Variants in SRL observed in about 807,000 individuals in gnomAD.
SRL encodes sarcalumenin.
Under a neutral mutation model 39.5 loss-of-function variants are expected in SRL, and 23 were observed. That is an observed-to-expected ratio of 0.58 (90% CI 0.42 to 0.82). SRL has a LOEUF of 0.82. SRL is among the 40% of genes least tolerant of loss of function. SRL has a pLI of 0.00. For missense variants in SRL, 592 were observed against 607.8 expected (o/e 0.97, Z 0.27); for synonymous variants, 272 against 237.4 (o/e 1.15, Z -1.34).
chr16:4,215,029 A>G (rs2052440842), intron 1 of SRL, among the ~76,000 whole-genome samples: 1 of 152,004 alleles, frequency 6.6e-6, no homozygotes, highest in South Asian at 2.1e-4. Context: ...CAGCCTCCCA[A>G]AGTGCTGGGA....
chr16:4,223,142 G>T (rs2052548773), intron 1 of SRL, among the ~76,000 whole-genome samples: 1 of 149,628 alleles, frequency 6.7e-6, no homozygotes, highest in Non-Finnish European at 1.5e-5. Flanking sequence ...TGAGGCAGGA[G>T]AATGGCATGA....
intron 1 of SRL, among the ~76,000 whole-genome samples, chr16:4,240,108 A>G (rs968866900): frequency 6.6e-5 from 10 of 152,214 alleles, no homozygotes; most frequent in Non-Finnish European, 1.2e-4. Context: ...AAGCCGGAGG[A>G]GAAGCTCTGT....
Position 4,197,808 on chromosome 16 carries a change from G to T in SRL, c.367C>A (p.Leu123Ile). 6.3e-7 allele frequency: 1 copy of T among 1,597,814 alleles called. No individual in the cohort carries two copies. Among genetic ancestry groups the T allele is most frequent in the Non-Finnish European group, 8.6e-7 (1 of 1,165,194 alleles). Residue 123 changes from leucine to isoleucine, a missense_variant, in exon 4 of 6, where the codon CTC becomes ATC. By Grantham distance (5) the Leu-to-Ile change is conservative. Coordinates refer to ENST00000399609, the MANE Select transcript of SRL (RefSeq NM_001098814.2). Reference sequence around the variant, plus strand: ...CAAGAATATTGATTACCTGTATAGAGCTGATAGCGAGTATTTTCCAGCCCA... The same window carrying T: ...CAAGAATATTGATTACCTGTATAGATCTGATAGCGAGTATTTTCCAGCCCA... Reference protein sequence around the residue: ...LLGLENTRYQLYTGAEPTTSE... With the variant: ...LLGLENTRYQIYTGAEPTTSE...
Position 4,192,389 on chromosome 16 carries a change from G to A in SRL, c.1186C>T (p.Pro396Ser). The A allele has an allele frequency of 6.2e-7, 1 of 1,614,224 alleles. No homozygotes were observed. The highest frequency in any genetic ancestry group is 8.5e-7 in the Non-Finnish European group (1 of 1,180,042). Residue 396 changes from proline (P) to serine (S), a missense_variant, in exon 6 of 6, where the codon CCC becomes TCC. Pro to Ser is a moderately conservative substitution (Grantham distance 74). Coordinates refer to ENST00000399609, the MANE Select transcript of SRL (RefSeq NM_001098814.2). The surrounding 1 kb of genome is among the most constrained non-coding windows in gnomAD (Gnocchi z 4.0). ...AKTNVSKFDL[P>S]NREAYKDFFG... ...AAGTCCTTATAGGCCTCGCGGTTGG[G>A]AAGGTCAAATTTGCTGACATTGGTC...
At chr16:4,214,977 A>G (rs1372529372) in intron 1 of SRL, among the ~76,000 whole-genome samples, 1 of 152,146 alleles carries the variant, frequency 6.6e-6, no homozygotes, top group Non-Finnish European at 1.5e-5. Flanking sequence ...CATGTTGGCC[A>G]GGCTGGTCTC....
chr16:4,237,720 G>A (rs891527815), intron 1 of SRL, among the ~76,000 whole-genome samples: 4 of 152,222 alleles, frequency 2.6e-5, no homozygotes, highest in Middle Eastern at 3.4e-3. Flanking sequence ...CGTTGCTCTG[G>A]CACCGTGAGT....
intron 1 of SRL, among the ~76,000 whole-genome samples, chr16:4,226,572 C>A (rs918235446): frequency 1.5e-4 from 22 of 146,348 alleles, no homozygotes; most frequent in African/African-American, 5.1e-4. Flanking sequence ...GATGGATGGG[C>A]AGATGAATGG....
Position 4,196,522 on chromosome 16 carries a change from C to G in SRL, c.377-736G>C, listed in dbSNP as rs376141267. Among the ~76,000 whole-genome samples, 23 of 149,776 alleles carry G rather than the reference C, an allele frequency of 1.5e-4. No individual in the cohort carries two copies. The East Asian group carries it at 4.3e-3, about 28-fold the overall frequency. ...TTTGGAGCAGAGTCTCACTCTATCG[C>G]CCAGGCTGGAGTGCAGTGGCATGAT... is the stretch of plus-strand genomic sequence containing the variant. On this transcript the variant is annotated intron_variant, in intron 4 of 5. Coordinates refer to ENST00000399609, the MANE Select transcript of SRL (RefSeq NM_001098814.2).
chr16:4,207,636 G>A (rs565426174), intron 1 of SRL: 59 of 440,486 alleles, frequency 1.3e-4, no homozygotes, highest in Non-Finnish European at 2.4e-4. Context: ...ATGGCCCCCA[G>A]CCTGTCCTCC....
chr16:4,206,622 C>T, intron 1 of SRL: 3 of 449,876 alleles, frequency 6.7e-6, no homozygotes, highest in South Asian at 4.7e-5. Context: ...AAGGGCCTGC[C>T]ACCCTCTGCC....
intron 1 of SRL, among the ~76,000 whole-genome samples, chr16:4,223,109 G>A (rs1271689539): frequency 6.6e-6 from 1 of 151,692 alleles, no homozygotes; most frequent in East Asian, 2.0e-4. Context: ...ACGGGCGCCT[G>A]TAGTCCCAGC....
chr16:4,207,310 C>G (rs764665315), intron 1 of SRL: 14 of 456,742 alleles, frequency 3.1e-5, no homozygotes, highest in Non-Finnish European at 5.3e-5. Flanking sequence ...CCTGCCTTAA[C>G]GCTTTGGGCG....
At chr16:4,217,015 G>C (rs934140103) in intron 1 of SRL, among the ~76,000 whole-genome samples, 1 of 152,174 alleles carries the variant, frequency 6.6e-6, no homozygotes, top group African/African-American at 2.4e-5. Flanking sequence ...TCTCCAGCTT[G>C]GCAGGTGAAG....
intron 2 of SRL, among the ~76,000 whole-genome samples, chr16:4,204,178 A>C (rs1380370756): frequency 6.6e-6 from 1 of 152,258 alleles, no homozygotes; most frequent in Non-Finnish European, 1.5e-5. Context: ...ATGAAACAGC[A>C]CACATGAAAC....
intron 1 of SRL, among the ~76,000 whole-genome samples, chr16:4,222,572 C>G (rs2052542366): frequency 1.3e-5 from 2 of 152,174 alleles, no homozygotes; most frequent in Non-Finnish European, 2.9e-5. Context: ...CTGCACCCGG[C>G]TTTTTTGTTT....
At chr16:4,237,485 T>A (rs959996055) in intron 1 of SRL, among the ~76,000 whole-genome samples, 1 of 151,904 alleles carries the variant, frequency 6.6e-6, no homozygotes, top group African/African-American at 2.4e-5. Context: ...GACTAATCAG[T>A]CTCCCCCTCC....
chr16:4,212,017 C>G (rs758041291), intron 1 of SRL, among the ~76,000 whole-genome samples: 1 of 152,212 alleles, frequency 6.6e-6, no homozygotes, highest in Non-Finnish European at 1.5e-5. Context: ...GAGGGCCACA[C>G]AGTCCCAAGG....
chr16:4,227,584 T>C (rs1344638739), intron 1 of SRL, among the ~76,000 whole-genome samples: 2 of 151,968 alleles, frequency 1.3e-5, no homozygotes, highest in Non-Finnish European at 2.9e-5. Flanking sequence ...GATGGGTGAA[T>C]GGAAGGATGG....
chr16:4,232,039 GC>G, intron 1 of SRL, among the ~76,000 whole-genome samples: 1 of 152,280 alleles, frequency 6.6e-6, no homozygotes, highest in East Asian at 1.9e-4. Context: ...CATTTGCTCT[GC>G]CCCCGGGTTC....
Sources: allele counts gnomAD v4.1 joint callset (sites outside exome capture counted in the v4.1 genomes callset), GRCh38; gene constraint gnomAD v4.1.1; non-coding constraint Gnocchi (gnomAD v3.1); transcripts MANE v1.5; gene names NCBI Gene and HGNC (gene_info 2026-07-23, HGNC 2026-07-21).